CLVS1: variants seen among roughly 807,000 people sequenced by gnomAD.
CLVS1 encodes the protein clavesin-1.
CLVS1 carries 10 observed loss-of-function variants against 33.1 expected under a neutral mutation model. The observed-to-expected ratio is 0.30, with a 90% confidence interval of 0.19 to 0.51. CLVS1 has a LOEUF of 0.51. Among genes scored for constraint, CLVS1 ranks in the 20% least tolerant of loss-of-function variants. The pLI is 0.97. For synonymous variants in CLVS1, 163 were observed against 166.1 expected, an observed-to-expected ratio of 0.98 and a Z score of 0.14; for missense variants, 343 against 433.4, an observed-to-expected ratio of 0.79 and a Z score of 1.85.
intron 1 of CLVS1, among the ~76,000 whole-genome samples, chr8:61,117,798 A>G (rs528877093): frequency 3.3e-5 from 5 of 152,324 alleles, no homozygotes; most frequent in African/African-American, 1.2e-4. Flanking sequence ...GGATTTTTGC[A>G]TCAATGTTCA....
the CLVS1 span, among the ~76,000 whole-genome samples, chr8:60,970,930 A>G: frequency 6.6e-6 from 1 of 151,606 alleles, no homozygotes; most frequent in African/African-American, 2.4e-5. Flanking sequence ...TTTATTTTCC[A>G]TCTCAGTCCT....
chr8:61,164,885 C>G (rs979023887), intron 2 of CLVS1, among the ~76,000 whole-genome samples: 4 of 152,178 alleles, frequency 2.6e-5, no homozygotes, highest in African/African-American at 7.2e-5. Flanking sequence ...TGATGTTCCT[C>G]CAGTCATTGG....
intron 2 of CLVS1, among the ~76,000 whole-genome samples, chr8:61,244,747 A>G (rs1439620029): frequency 6.6e-6 from 1 of 152,180 alleles, no homozygotes; most frequent in Non-Finnish European, 1.5e-5. Context: ...GTATGGGGGT[A>G]TAGGGGAACT....
chr8:61,353,115 T>C lies in CLVS1; in HGVS notation c.456-23490T>C, dbSNP rs552336349. On this transcript the variant is annotated intron_variant, in intron 2 of 5. Coordinates refer to ENST00000325897, the MANE Select transcript of CLVS1 (RefSeq NM_173519.3). Reference sequence around the variant, plus strand: ...AGAGGAGTAGATAAAACTGCAATTATAGTTGGGGACCTCAACCTCCCCACC... The same window carrying C: ...AGAGGAGTAGATAAAACTGCAATTACAGTTGGGGACCTCAACCTCCCCACC... 3.1e-4 allele frequency among the ~76,000 whole-genome samples: 47 copies of C among 151,924 alleles called. 1 individual carries two copies. The highest frequency in any genetic ancestry group is 5.2e-4 in the Non-Finnish European group (35 of 67,890).
chr8:61,219,177 T>C (rs1249299487), intron 2 of CLVS1, among the ~76,000 whole-genome samples: 1 of 152,204 alleles, frequency 6.6e-6, no homozygotes, highest in Non-Finnish European at 1.5e-5. Flanking sequence ...TTTTTCTTTC[T>C]TTATTTCTTC....
chr8:61,480,237 C>T (rs761411205), intron 5 of CLVS1, among the ~76,000 whole-genome samples: 7 of 152,312 alleles, frequency 4.6e-5, no homozygotes, highest in South Asian at 2.1e-4. Context: ...CCACCCAGTT[C>T]GAGCTTCCCG....
the CLVS1 span, among the ~76,000 whole-genome samples, chr8:60,987,301 A>G: frequency 6.6e-5 from 10 of 152,228 alleles, no homozygotes; most frequent in African/African-American, 2.4e-4. Flanking sequence ...AAGGATAAAT[A>G]GAAGCTAGAA....
chr8:61,040,310 T>C, the CLVS1 span, among the ~76,000 whole-genome samples: 1 of 152,248 alleles, frequency 6.6e-6, no homozygotes. Flanking sequence ...AACATATTCA[T>C]GCATGTGTAG....
intron 3 of CLVS1, among the ~76,000 whole-genome samples, chr8:61,394,809 C>T (rs1048556090): frequency 1.3e-5 from 2 of 152,166 alleles, no homozygotes; most frequent in East Asian, 1.9e-4. Flanking sequence ...CAACAATGTA[C>T]AAGTGTTTCC....
chr8:61,040,504 T>A, the CLVS1 span, among the ~76,000 whole-genome samples: 1 of 152,256 alleles, frequency 6.6e-6, no homozygotes, highest in African/African-American at 2.4e-5. Context: ...CCTCTGTTAT[T>A]TTTTATCATT....
the CLVS1 span, among the ~76,000 whole-genome samples, chr8:60,974,711 G>A: frequency 6.6e-6 from 1 of 151,636 alleles, no homozygotes; most frequent in Non-Finnish European, 1.5e-5. Flanking sequence ...CCCGGGAGGC[G>A]GAGCTTGCAG....
chr8:61,358,720 G>A (rs543863145), intron 2 of CLVS1, among the ~76,000 whole-genome samples: 19 of 152,264 alleles, frequency 1.2e-4, no homozygotes, highest in Middle Eastern at 3.4e-3. Flanking sequence ...GAGTATTAGA[G>A]AAAGAGCAAT....
chr8:61,272,919 C>G (rs1455058782), intron 2 of CLVS1, among the ~76,000 whole-genome samples: 1 of 149,984 alleles, frequency 6.7e-6, no homozygotes, highest in African/African-American at 2.4e-5. Flanking sequence ...AAGTTTTCAA[C>G]TTCTTTGCCT....
At chr8:61,210,899 GA>G (rs1470778087) in intron 2 of CLVS1, among the ~76,000 whole-genome samples, 4 of 151,896 alleles carry the variant, frequency 2.6e-5, no homozygotes, top group Non-Finnish European at 5.9e-5. Flanking sequence ...GTGTGTCAAA[GA>G]AAGAGCCTGG....
At chr8:61,247,216 AT>A (rs756593650) in intron 2 of CLVS1, among the ~76,000 whole-genome samples, 24 of 152,170 alleles carry the variant, frequency 1.6e-4, no homozygotes, top group Non-Finnish European at 3.1e-4. Flanking sequence ...ATTTAGGTTG[AT>A]TCCATGTCTT....
At chr8:61,288,309 C>T (rs1375425409) in intron 1 of CLVS1, 171 bp downstream of exon 1, 1 of 455,584 alleles carries the variant, frequency 2.2e-6, no homozygotes, top group Non-Finnish European at 4.4e-6. Context: ...CCCGCCGCCT[C>T]CGCGGTCCAT....
intron 2 of CLVS1, among the ~76,000 whole-genome samples, chr8:61,144,923 G>T (rs1051101680): frequency 3.9e-5 from 6 of 152,138 alleles, no homozygotes; most frequent in African/African-American, 1.4e-4. Context: ...TAGAGACAGG[G>T]TTTCACCATG....
chr8:61,242,305 C>G (rs1293278846), intron 2 of CLVS1, among the ~76,000 whole-genome samples: 1 of 152,094 alleles, frequency 6.6e-6, no homozygotes, highest in African/African-American at 2.4e-5. Context: ...AAAAATTACT[C>G]CACATATTTC....
In CLVS1 at chr8:61,214,907, G is replaced by C. The variant is rs538677707; in HGVS notation, c.-152+83047G>C. Among the ~76,000 whole-genome samples, 10 of 152,260 alleles carry C rather than the reference G, an allele frequency of 6.6e-5. No individual in the cohort carries two copies. The South Asian group carries it at 2.1e-3, about 32-fold the overall frequency. On this transcript the variant is annotated intron_variant, in intron 2 of 2. Transcript: ENST00000522621. The stretch of plus-strand genomic sequence containing the variant: ...TGCATCTGTCTTATGAGCATGTATA[G>C]GATGGCTCATTTTGAATACCTCTCA...
Sources: allele counts gnomAD v4.1 joint callset (sites outside exome capture counted in the v4.1 genomes callset), GRCh38; gene constraint gnomAD v4.1.1; transcripts MANE v1.5; gene names NCBI Gene and HGNC (gene_info 2026-07-23, HGNC 2026-07-21).